CLN6: variants seen among roughly 807,000 people sequenced by gnomAD.
CLN6 encodes the protein CLN6 transmembrane ER protein, also known as ceroid-lipofuscinosis neuronal protein 6.
CLN6 carries 22 observed loss-of-function variants against 33.3 expected under a neutral mutation model. The observed-to-expected ratio is 0.66, with a 90% confidence interval of 0.47 to 0.94. The LOEUF is 0.94. Among genes scored for constraint, CLN6 ranks in the 40% least tolerant of loss-of-function variants. CLN6 has a pLI of 0.00. For missense variants in CLN6, 387 were observed against 417.1 expected (o/e 0.93, Z 0.63); for synonymous variants, 201 against 174.6 (o/e 1.15, Z -1.19).
In CLN6 at chr15:68,211,829, G is replaced by A. The variant is rs1007902706; in HGVS notation, c.332C>T (p.Ser111Phe). ...IERSPRTLPR[S>F]ITYVSIIIFI... ...GATGATGATGCTCACGTACGTGATG[G>A]AGCGTGGCAGGGTGCGGGGGGACCG... Residue 111 changes from serine to phenylalanine, a missense_variant, in exon 4 of 7, where the codon TCC becomes TTC. By Grantham distance (155) the Ser-to-Phe change is radical. Transcript: ENST00000249806. The surrounding 1 kb of genome is among the most constrained non-coding windows in gnomAD (Gnocchi z 5.9). 6.2e-7 allele frequency: 1 copy of A among 1,613,928 alleles called. No homozygotes were observed. Among genetic ancestry groups the A allele is most frequent in the Non-Finnish European group, 8.5e-7 (1 of 1,180,028 alleles).
At chr15:68,255,656 C>T (rs999633857) in intron 1 of CLN6, among the ~76,000 whole-genome samples, 1 of 152,192 alleles carries the variant, frequency 6.6e-6, no homozygotes, top group African/African-American at 2.4e-5. Flanking sequence ...CATGCCCTGC[C>T]TGAAATGCCA....
intron 1 of CLN6, among the ~76,000 whole-genome samples, chr15:68,252,871 A>G (rs752361885): frequency 9.9e-5 from 15 of 152,204 alleles, no homozygotes; most frequent in African/African-American, 1.9e-4. Context: ...ATAAAACTAC[A>G]TATTTTTAAA....
chr15:68,249,972 C>T (rs1382572880), intron 1 of CLN6, among the ~76,000 whole-genome samples: 1 of 152,018 alleles, frequency 6.6e-6, no homozygotes, highest in South Asian at 2.1e-4. Context: ...GGGGTTTCAC[C>T]ATGTTGGTCA....
chr15:68,224,899 C>T (rs2093247711), intron 1 of CLN6, among the ~76,000 whole-genome samples: 1 of 152,152 alleles, frequency 6.6e-6, no homozygotes, highest in Non-Finnish European at 1.5e-5. Context: ...TTAGACTCTT[C>T]TCTCCTTCCC....
In CLN6 at chr15:68,210,334, C is replaced by T. The variant is rs919380326; in HGVS notation, c.543-575G>A. Among the ~76,000 whole-genome samples, 3 of 152,198 alleles carry T rather than the reference C, an allele frequency of 2.0e-5. No individual in the cohort carries two copies. Among genetic ancestry groups the T allele is most frequent in the African/African-American group, 7.2e-5 (3 of 41,450 alleles). On this transcript the variant is annotated intron_variant, in intron 5 of 6. Transcript: ENST00000249806. The surrounding 1 kb of genome is among the most constrained non-coding windows in gnomAD (Gnocchi z 5.6). ...GCCTCTTCTCACCCACACCCCCTTC[C>T]TGCTGGGGCTCCAGCTCTCTGTTCC...
At position 68,211,135 on chromosome 15, in the gene CLN6, A is replaced by T; in HGVS notation, c.542+128T>A. On this transcript the variant is annotated intron_variant, in intron 5 of 6. Coordinates refer to ENST00000249806, the MANE Select transcript of CLN6 (RefSeq NM_017882.3). The surrounding 1 kb of genome is among the most constrained non-coding windows in gnomAD (Gnocchi z 5.9). The stretch of plus-strand genomic sequence containing the variant: ...TGGAGGTTGAGCTCACAGTGCCTTT[A>T]CAGGGGATGAGACTCAACACATGGA... 1 of 843,216 alleles carries T rather than the reference A, an allele frequency of 1.2e-6. No individual in the cohort carries two copies. Among genetic ancestry groups the T allele is most frequent in the Non-Finnish European group, 2.1e-6 (1 of 482,794 alleles). 52.2% of individuals were successfully genotyped at this position (843,216 alleles called of 1,614,324 possible).
At chr15:68,243,300 T>G (rs1402092315) in intron 1 of CLN6, among the ~76,000 whole-genome samples, 1 of 152,222 alleles carries the variant, frequency 6.6e-6, no homozygotes, top group African/African-American at 2.4e-5. Flanking sequence ...ATCATACTGA[T>G]ATGGGGCCAG....
chr15:68,233,387 GC>G (rs1892185945), upstream of CLN6, among the ~76,000 whole-genome samples: 1 of 152,090 alleles, frequency 6.6e-6, no homozygotes, highest in Admixed American at 6.6e-5. The surrounding 1 kb of genome is among the most constrained non-coding windows in gnomAD (Gnocchi z 4.3). Flanking sequence ...CAAGGCCGTG[GC>G]CAAGTCACCT....
intron 2 of CLN6, among the ~76,000 whole-genome samples, chr15:68,216,177 T>C (rs973517307): frequency 1.3e-5 from 2 of 152,154 alleles, no homozygotes; most frequent in African/African-American, 4.8e-5. Flanking sequence ...AGCTGGGTCC[T>C]AGTGAGTGAA....
At position 68,207,565 on chromosome 15, in the gene CLN6, T is replaced by G; in HGVS notation, c.*575A>C. ...GTCCCAAAGCTGCACCCAAGGGGTGTCAGCAACCCCAACCTACTGACCTAC... is the reference window on the plus strand; with the variant it reads ...GTCCCAAAGCTGCACCCAAGGGGTGGCAGCAACCCCAACCTACTGACCTAC... On this transcript the variant is annotated 3_prime_UTR_variant, in exon 7 of 7. Transcript: ENST00000249806. 5.6e-6 allele frequency: 1 copy of G among 177,262 alleles called. No homozygotes were observed. The allele number at this position is 177,262 out of a possible 1,614,324, so 11.0% of individuals were successfully genotyped here.
rs745619273 is a variant in CLN6, at chr15:68,214,272, G to T, written c.297+18C>A. On this transcript the variant is annotated intron_variant, in intron 3 of 6. Coordinates refer to ENST00000249806, the MANE Select transcript of CLN6 (RefSeq NM_017882.3). ...AGAATGGGGATGACAGGAGAGAGTG[G>T]GGGCCCTGGGACAGTACCTTGAGCA... The T allele has an allele frequency of 6.3e-7, 1 of 1,580,890 alleles. No homozygotes were observed. Among genetic ancestry groups the T allele is most frequent in the South Asian group, 1.1e-5 (1 of 90,404 alleles).
In CLN6 at chr15:68,210,286, T is replaced by C. The variant is rs1214107875; in HGVS notation, c.543-527A>G. On this transcript the variant is annotated intron_variant, in intron 5 of 6. Coordinates refer to ENST00000249806, the MANE Select transcript of CLN6 (RefSeq NM_017882.3). The surrounding 1 kb of genome is among the most constrained non-coding windows in gnomAD (Gnocchi z 5.6). ...ACACCGGCTCCCTTTCTCCCACCTG[T>C]GCTTTCACCAGTATACCCGCCTGCC... Among the ~76,000 whole-genome samples, 1 of 150,928 alleles carries C rather than the reference T, an allele frequency of 6.6e-6. No homozygotes were observed. The highest frequency in any genetic ancestry group is 1.5e-5 in the Non-Finnish European group (1 of 67,732).
At position 68,211,803 on chromosome 15, in the gene CLN6, A is replaced by T. The variant is rs1433821186; in HGVS notation, c.358T>A (p.Phe120Ile). The T allele has an allele frequency of 5.6e-6, 9 of 1,613,922 alleles. No homozygotes were observed. Among genetic ancestry groups the T allele is most frequent in the African/African-American group, 1.3e-5 (1 of 75,014 alleles). Residue 120 changes from phenylalanine (F) to isoleucine (I), a missense_variant, in exon 4 of 7, where the codon TTC becomes ATC. Transcript: ENST00000249806. This position sits in a 1 kb window ranked among gnomAD's most constrained non-coding sequence, Gnocchi z 5.9. Reference sequence around the variant, plus strand: ...AGGTGGATGCTGGCACCCATGATGAAGATGATGATGCTCACGTACGTGATG... The same window carrying T: ...AGGTGGATGCTGGCACCCATGATGATGATGATGATGCTCACGTACGTGATG... ...RSITYVSIII[F>I]IMGASIHLVG...
intron 1 of CLN6, among the ~76,000 whole-genome samples, chr15:68,249,410 T>C (rs565949579): frequency 1.3e-5 from 2 of 152,268 alleles, no homozygotes; most frequent in South Asian, 2.1e-4. Context: ...AACCAAAATA[T>C]GGAATCAACC....
At chr15:68,252,313 G>A (rs971447561) in intron 1 of CLN6, among the ~76,000 whole-genome samples, 1 of 152,078 alleles carries the variant, frequency 6.6e-6, no homozygotes, top group African/African-American at 2.4e-5. Context: ...AAACCAGTAG[G>A]AAGATGAGCA....
At position 68,211,353 on chromosome 15, in the gene CLN6, T is replaced by A; in HGVS notation, c.487-35A>T. 6.2e-7 allele frequency: 1 copy of A among 1,612,046 alleles called. No homozygotes were observed. Among genetic ancestry groups the A allele is most frequent in the Non-Finnish European group, 8.5e-7 (1 of 1,178,542 alleles). ...GAACGGGCAGGGCAGAGTCGGGGGA[T>A]GTCGATGTCAGTCCAGGGAGGTGCT... On this transcript the variant is annotated intron_variant, in intron 4 of 6. Transcript: ENST00000249806. The surrounding 1 kb of genome is among the most constrained non-coding windows in gnomAD (Gnocchi z 5.9).
At chr15:68,250,066 G>A (rs977475810) in intron 1 of CLN6, among the ~76,000 whole-genome samples, 3 of 151,822 alleles carry the variant, frequency 2.0e-5, no homozygotes, top group African/African-American at 4.8e-5. Context: ...TCACTGCGCC[G>A]GCCACTATTG....
chr15:68,230,273 C>G (rs903207436), upstream of CLN6, among the ~76,000 whole-genome samples: 6 of 152,068 alleles, frequency 3.9e-5, no homozygotes, highest in African/African-American at 1.4e-4. This position sits in a 1 kb window ranked among gnomAD's most constrained non-coding sequence, Gnocchi z 4.0. Context: ...TGGCCGGATT[C>G]TGCCCCTGGG....
rs138840696 is a variant in CLN6, at chr15:68,209,587, G to C, written c.665+50C>G. The C allele has an allele frequency of 6.2e-7, 1 of 1,607,390 alleles. No individual in the cohort carries two copies. Among genetic ancestry groups the C allele is most frequent in the Admixed American group, 1.7e-5 (1 of 59,952 alleles). ...TTGGCAAGTGCAGAATTTTGCTGCC[G>C]TGGCTCTCTCAGTGCCCCTGCCTCT... On this transcript the variant is annotated intron_variant, in intron 6 of 6. Coordinates refer to ENST00000249806, the MANE Select transcript of CLN6 (RefSeq NM_017882.3). This position sits in a 1 kb window ranked among gnomAD's most constrained non-coding sequence, Gnocchi z 4.9.
Sources: allele counts gnomAD v4.1 joint callset (sites outside exome capture counted in the v4.1 genomes callset), GRCh38; gene constraint gnomAD v4.1.1; non-coding constraint Gnocchi (gnomAD v3.1); transcripts MANE v1.5; gene names NCBI Gene and HGNC (gene_info 2026-07-23, HGNC 2026-07-21).